LIN9: variants seen among roughly 807,000 people sequenced by gnomAD.
The protein encoded by LIN9 is lin-9 DREAM MuvB core complex component.
Under a neutral mutation model 78.0 loss-of-function variants are expected in LIN9, and 18 were observed. The ratio of observed to expected loss-of-function variants is 0.23; its 90% CI spans 0.16 to 0.34. The LOEUF (loss-of-function observed/expected upper bound fraction) is 0.34, where lower values mean the gene tolerates loss of function less well. Ranked by LOEUF, LIN9 falls within the 10% of genes least tolerant of loss-of-function variation. The pLI, the probability that LIN9 is intolerant of heterozygous loss-of-function variation, is 1.00. For synonymous variants in LIN9, 192 were observed against 215.2 expected, an observed-to-expected ratio of 0.89 and a Z score of 0.94; for missense variants, 451 against 644.1, an observed-to-expected ratio of 0.70 and a Z score of 3.25.
intron 5 of LIN9, 129 bp downstream of exon 5, chr1:226,287,535 G>C: frequency 3.3e-6 from 2 of 605,610 alleles, no homozygotes; most frequent in Non-Finnish European, 5.5e-6. Flanking sequence ...CTGGAATGTG[G>C]AACAGAAAAA....
chr1:226,232,109 C>A lies in LIN9; in HGVS notation c.*392G>T, dbSNP rs1389405115. On this transcript the variant is annotated 3_prime_UTR_variant, in exon 15 of 15. Transcript: ENST00000681046. ...GATGGAATTTCCACACTGCCACCGA[C>A]ATGAATAAAAAGACCAGGTTTCTTC... 1 of 398,660 alleles carries A rather than the reference C, an allele frequency of 2.5e-6. No individual in the cohort carries two copies. Among genetic ancestry groups the A allele is most frequent in the African/African-American group, 2.1e-5 (1 of 48,570 alleles). 24.7% of individuals were successfully genotyped at this position (398,660 alleles called of 1,614,324 possible). A position where few individuals can be genotyped will look rare whatever the true frequency, so the allele number is the denominator to read the frequency against.
intron 4 of LIN9, among the ~76,000 whole-genome samples, chr1:226,290,595 C>A (rs1661709788): frequency 6.6e-6 from 1 of 152,086 alleles, no homozygotes; most frequent in South Asian, 2.1e-4. Flanking sequence ...CCACCTCGGC[C>A]TCCCAAAGTG....
chr1:226,283,630 C>A (rs1206474045), intron 6 of LIN9, among the ~76,000 whole-genome samples: 1 of 151,892 alleles, frequency 6.6e-6, no homozygotes, highest in South Asian at 2.1e-4. Context: ...TTAATGTTTT[C>A]TTTTATGGCT....
At chr1:226,264,679 C>G (rs999728827) in intron 10 of LIN9, among the ~76,000 whole-genome samples, 3 of 152,024 alleles carry the variant, frequency 2.0e-5, no homozygotes, top group Admixed American at 6.6e-5. Context: ...AACCCCATCT[C>G]TATTAAAATT....
Position 226,233,198 on chromosome 1 carries a change from A to C in LIN9, c.1426-5T>G, listed in dbSNP as rs1444086703. 6.3e-7 allele frequency: 1 copy of C among 1,591,852 alleles called. No individual in the cohort carries two copies. On this transcript the variant is annotated splice_region_variant and splice_polypyrimidine_tract_variant and intron_variant, in intron 13 of 14. Transcript: ENST00000681046. ...GTCTCCTCCTTCTGCTAGACACTAAAGGGAAAAAAATTTCAAAATTTAATT... is the reference window on the plus strand; with the variant it reads ...GTCTCCTCCTTCTGCTAGACACTAACGGGAAAAAAATTTCAAAATTTAATT...
intron 10 of LIN9, among the ~76,000 whole-genome samples, chr1:226,253,222 C>T (rs1255691162): frequency 7.0e-6 from 1 of 143,626 alleles, no homozygotes; most frequent in African/African-American, 2.6e-5. Context: ...GTGATCATGC[C>T]ACTGCACTCA....
At chr1:226,275,164 T>G (rs763614262) in intron 7 of LIN9, among the ~76,000 whole-genome samples, 1 of 152,246 alleles carries the variant, frequency 6.6e-6, no homozygotes, top group Non-Finnish European at 1.5e-5. Flanking sequence ...GTTTCAGTTA[T>G]GAACTTATTT....
At chr1:226,300,348 C>T (rs960551791) in intron 2 of LIN9, among the ~76,000 whole-genome samples, 2 of 151,776 alleles carry the variant, frequency 1.3e-5, no homozygotes, top group Admixed American at 6.6e-5. Flanking sequence ...CCCAGGAGTT[C>T]GAGACCAGCC....
chr1:226,277,358 A>G (rs1660734206), intron 7 of LIN9, among the ~76,000 whole-genome samples: 1 of 152,102 alleles, frequency 6.6e-6, no homozygotes, highest in South Asian at 2.1e-4. Context: ...TTTCCCAATT[A>G]CTTTAAAAAA....
At chr1:226,244,987 A>C (rs1658373820) in intron 11 of LIN9, among the ~76,000 whole-genome samples, 1 of 152,196 alleles carries the variant, frequency 6.6e-6, no homozygotes, top group African/African-American at 2.4e-5. Flanking sequence ...GGCAAACATA[A>C]GTGTAGAAGT....
At chr1:226,260,550 G>A (rs1170251585) in intron 10 of LIN9, among the ~76,000 whole-genome samples, 1 of 145,264 alleles carries the variant, frequency 6.9e-6, no homozygotes, top group African/African-American at 2.5e-5. Flanking sequence ...CATAAACACA[G>A]ATGCAAAAAT....
At chr1:226,296,308 CATG>C (rs1173062184) in intron 3 of LIN9, among the ~76,000 whole-genome samples, 1 of 152,182 alleles carries the variant, frequency 6.6e-6, no homozygotes, top group East Asian at 1.9e-4. Flanking sequence ...GGGTGTGTGA[CATG>C]ATATGTCTGC....
At chr1:226,292,009 T>G (rs1661824270) in intron 4 of LIN9, among the ~76,000 whole-genome samples, 1 of 152,188 alleles carries the variant, frequency 6.6e-6, no homozygotes, top group Non-Finnish European at 1.5e-5. Flanking sequence ...TATAAAATAT[T>G]CTTATCACAA....
At chr1:226,244,550 G>A (rs747131490) in intron 11 of LIN9, among the ~76,000 whole-genome samples, 4 of 152,120 alleles carry the variant, frequency 2.6e-5, no homozygotes, top group African/African-American at 9.7e-5. Flanking sequence ...TAAAAAACCA[G>A]GTATGATCAC....
chr1:226,247,326 C>T (rs1412087254), intron 11 of LIN9, among the ~76,000 whole-genome samples: 1 of 151,782 alleles, frequency 6.6e-6, no homozygotes, highest in African/African-American at 2.4e-5. Flanking sequence ...TTCTTTTTTC[C>T]TTAGGGTTAT....
intron 10 of LIN9, among the ~76,000 whole-genome samples, chr1:226,261,092 A>AT (rs1659556865): frequency 6.6e-6 from 1 of 152,042 alleles, no homozygotes; most frequent in African/African-American, 2.4e-5. Flanking sequence ...CTCATTCATG[A>AT]TAAAAACTCT....
chr1:226,249,698 C>T (rs1295538797), intron 11 of LIN9, among the ~76,000 whole-genome samples: 1 of 152,178 alleles, frequency 6.6e-6, no homozygotes. Flanking sequence ...CAGCACTTTG[C>T]CCCTTGAGCA....
At chr1:226,278,038 G>T in intron 6 of LIN9, 106 bp from the exon 7 acceptor site, 1 of 893,128 alleles carries the variant, frequency 1.1e-6, no homozygotes, top group South Asian at 1.8e-5. Flanking sequence ...TGTCATCCAG[G>T]CTGGAGTGCA....
At chr1:226,290,448 C>T (rs1661690027) in intron 4 of LIN9, among the ~76,000 whole-genome samples, 4 of 151,514 alleles carry the variant, frequency 2.6e-5, no homozygotes, top group Admixed American at 2.6e-4. Context: ...TCACGCCATT[C>T]TCCTGTCTCA....
Sources: gnomAD v4.1 joint callset for allele counts (sites outside exome capture counted in the v4.1 genomes callset) on GRCh38, gnomAD v4.1.1 for gene constraint, MANE v1.5 for transcripts, NCBI Gene and HGNC (gene_info 2026-07-23, HGNC 2026-07-21) for gene names.